INSYN2A: variants seen among roughly 807,000 people sequenced by gnomAD.
INSYN2A encodes the protein family with sequence similarity 196 member A.
Under a neutral mutation model 39.4 loss-of-function variants are expected in INSYN2A, and 17 were observed. The ratio of observed to expected loss-of-function variants is 0.43; its 90% confidence interval spans 0.30 to 0.65. The LOEUF (loss-of-function observed/expected upper bound fraction) is 0.65, where lower values mean the gene tolerates loss of function less well. INSYN2A is among the 30% of genes least tolerant of loss of function. INSYN2A has a pLI of 0.14. For missense variants in INSYN2A, 595 were observed against 631.2 expected (o/e 0.94, Z 0.61); for synonymous variants, 255 against 265.7 (o/e 0.96, Z 0.39).
At chr10:127,160,339 A>C (rs2053489833) in intron 4 of INSYN2A, among the ~76,000 whole-genome samples, 1 of 152,136 alleles carries the variant, frequency 6.6e-6, no homozygotes, top group Non-Finnish European at 1.5e-5. Context: ...TTTCCTTCAT[A>C]AGATCTTAAA....
rs2055131493 is a variant in INSYN2A at position 127,176,239 on chromosome 10, A to G, written c.157T>C (p.Cys53Arg). The G allele has an allele frequency of 1.2e-6, 2 of 1,614,110 alleles. No homozygotes were observed. Among genetic ancestry groups the G allele is most frequent in the Non-Finnish European group, 8.5e-7 (1 of 1,180,026 alleles). The part of the protein sequence containing the change: ...KALQVRFKDI[C>R]EAQNEQRDTQ... ...TCCCTCTGCTCATTCTGTGCCTCGC[A>G]GATATCCTTAAACCGCACCTGCAGG... The change falls in exon 4 of 6, where the codon TGC becomes CGC. Residue 53 changes from cysteine (C) to arginine (R), a missense_variant. Cys to Arg is a radical substitution (Grantham distance 180). Transcript: ENST00000522781. This position sits in a 1 kb window ranked among gnomAD's most constrained non-coding sequence, Gnocchi z 4.4.
At chr10:127,149,541 A>G (rs2052274334) in intron 5 of INSYN2A, among the ~76,000 whole-genome samples, 1 of 152,314 alleles carries the variant, frequency 6.6e-6, no homozygotes, top group East Asian at 1.9e-4. Context: ...TGAACACAGT[A>G]TCCTTTTCAT....
intron 4 of INSYN2A, among the ~76,000 whole-genome samples, chr10:127,158,527 C>T (rs61874028): frequency 0.011 from 1,742 of 152,272 alleles, 13 homozygotes; most frequent in Middle Eastern, 0.038. Context: ...TAACTCCATG[C>T]GTGATACAAT....
intron 5 of INSYN2A, among the ~76,000 whole-genome samples, chr10:127,145,140 C>T (rs2051679299): frequency 6.6e-6 from 1 of 152,082 alleles, no homozygotes; most frequent in Non-Finnish European, 1.5e-5. Flanking sequence ...TGGAGTGCAC[C>T]TGCGGCTCTG....
chr10:127,156,278 A>G (rs754392597), intron 4 of INSYN2A, among the ~76,000 whole-genome samples: 2 of 152,102 alleles, frequency 1.3e-5, no homozygotes, highest in South Asian at 2.1e-4. Flanking sequence ...ATACAGTCAC[A>G]CTTCAGGTCC....
rs528159292 is a variant in INSYN2A, at chr10:127,177,804, G to A, written c.-268-665C>T. 3.9e-4 allele frequency among the ~76,000 whole-genome samples: 60 copies of A among 152,374 alleles called. 1 individual carries two copies. In the South Asian group the frequency reaches 0.012, roughly 31 times the overall value. Reference sequence around the variant, plus strand: ...AGGTGGTTCGAGTGCCAGATGCTCTGCTCGTTCACATACAGAATGCCTTGC... The same window carrying A: ...AGGTGGTTCGAGTGCCAGATGCTCTACTCGTTCACATACAGAATGCCTTGC... On this transcript the variant is annotated intron_variant, in intron 2 of 5. Coordinates refer to ENST00000522781, the MANE Select transcript of INSYN2A (RefSeq NM_001039762.3).
Position 127,176,542 on chromosome 10 carries a change from A to T in INSYN2A, c.-5-142T>A. The T allele has an allele frequency of 1.5e-6, 1 of 666,130 alleles. No homozygotes were observed. The highest frequency in any genetic ancestry group is 2.5e-6 in the Non-Finnish European group (1 of 397,980). The allele number at this position is 666,130 out of a possible 1,614,324, so 41.3% of individuals were successfully genotyped here. A position where few individuals can be genotyped will look rare whatever the true frequency, so the allele number is the denominator to read the frequency against. ...GGTGAGGTCGGCCTTTATGTTAAGG[A>T]AAATCACACGGGCTGAGAGTCGCTG... On this transcript the variant is annotated intron_variant, in intron 3 of 5. Transcript: ENST00000522781. This position sits in a 1 kb window ranked among gnomAD's most constrained non-coding sequence, Gnocchi z 4.4.
rs1309589979 is a variant in INSYN2A at position 127,169,196 on chromosome 10, TAC to T, written c.1184+6014_1184+6015del. 2.0e-5 allele frequency among the ~76,000 whole-genome samples: 3 copies of T among 152,344 alleles called. No individual in the cohort carries two copies. The East Asian group carries it at 5.8e-4, about 29-fold the overall frequency. The stretch of plus-strand genomic sequence containing the variant: ...ATACATATTAGGTATATGTGTGTCA[TAC>T]ACACACAGAGTTCCAAAGCAGGACC... On this transcript the variant is annotated intron_variant, in intron 4 of 5. Coordinates refer to ENST00000522781, the MANE Select transcript of INSYN2A (RefSeq NM_001039762.3).
At chr10:127,138,077 C>T (rs1592169203) in intron 5 of INSYN2A, 57 bp from the exon 6 acceptor site, 1 of 1,458,056 alleles carries the variant, frequency 6.9e-7, no homozygotes, top group East Asian at 2.3e-5. Flanking sequence ...ATGAAGATCC[C>T]TCTTAGTGTC....
At chr10:127,156,438 A>G (rs1054447184) in intron 4 of INSYN2A, among the ~76,000 whole-genome samples, 1 of 152,212 alleles carries the variant, frequency 6.6e-6, no homozygotes, top group African/African-American at 2.4e-5. Flanking sequence ...AGGCACCTGA[A>G]ATGTACAAGA....
At position 127,176,359 on chromosome 10, in the gene INSYN2A, T is replaced by C. The variant is rs746933569; in HGVS notation, c.37A>G (p.Thr13Ala). ...SKDTGKCILTTSESEVEPAAC... is the reference protein window; with the variant it reads ...SKDTGKCILTASESEVEPAAC... The stretch of plus-strand genomic sequence containing the variant: ...GCGGGTTCCACTTCACTCTCCGACG[T>C]TGTGAGTATGCATTTGCCGGTGTCC... Residue 13 changes from threonine (T) to alanine (A), a missense_variant, in exon 4 of 6, where the codon ACG becomes GCG. Physicochemically the swap from Thr to Ala is moderately conservative, Grantham distance 58 (BLOSUM62 0). Coordinates refer to ENST00000522781, the MANE Select transcript of INSYN2A (RefSeq NM_001039762.3). The surrounding 1 kb of genome is among the most constrained non-coding windows in gnomAD (Gnocchi z 4.4). 4.3e-6 allele frequency: 7 copies of C among 1,612,794 alleles called. No individual in the cohort carries two copies. The highest frequency in any genetic ancestry group is 5.9e-6 in the Non-Finnish European group (7 of 1,179,652).
Position 127,175,177 on chromosome 10 carries a change from G to C in INSYN2A, c.1184+35C>G. On this transcript the variant is annotated intron_variant, in intron 4 of 5. Transcript: ENST00000522781. This position sits in a 1 kb window ranked among gnomAD's most constrained non-coding sequence, Gnocchi z 6.3. ...AGATGGACTCTGTGGTGATCAGCCT[G>C]CATAGCTTCCTAAGACATGGGTGAA... The C allele has an allele frequency of 6.5e-7, 1 of 1,547,554 alleles. No individual in the cohort carries two copies. The highest frequency in any genetic ancestry group is 8.8e-7 in the Non-Finnish European group (1 of 1,132,410).
chr10:127,163,798 C>T (rs1464503713), intron 4 of INSYN2A, among the ~76,000 whole-genome samples: 2 of 149,456 alleles, frequency 1.3e-5, no homozygotes, highest in Admixed American at 1.3e-4. Context: ...ATAAAGCCTT[C>T]CTTTTTTTTT....
At chr10:127,167,820 C>G (rs2054221154) in intron 4 of INSYN2A, among the ~76,000 whole-genome samples, 12 of 151,978 alleles carry the variant, frequency 7.9e-5, no homozygotes, top group Admixed American at 7.9e-4. Flanking sequence ...CCACCACCCC[C>G]CATCCCCAAA....
rs893012659 is a variant in INSYN2A at position 127,176,525 on chromosome 10, C to T, written c.-5-125G>A. Reference sequence around the variant, plus strand: ...CTAATTATATTTAAGCAGGTGAGGTCGGCCTTTATGTTAAGGAAAATCACA... The same window carrying T: ...CTAATTATATTTAAGCAGGTGAGGTTGGCCTTTATGTTAAGGAAAATCACA... On this transcript the variant is annotated intron_variant, in intron 3 of 5. Transcript: ENST00000522781. This position sits in a 1 kb window ranked among gnomAD's most constrained non-coding sequence, Gnocchi z 4.4. 1.0e-4 allele frequency: 79 copies of T among 781,748 alleles called. No homozygotes were observed. Among genetic ancestry groups the T allele is most frequent in the Non-Finnish European group, 1.3e-4 (67 of 497,994 alleles). The allele number at this position is 781,748 out of a possible 1,614,324, so 48.4% of individuals were successfully genotyped here.
At chr10:127,190,325 C>T (rs2056627915) in intron 2 of INSYN2A, among the ~76,000 whole-genome samples, 1 of 152,204 alleles carries the variant, frequency 6.6e-6, no homozygotes, top group African/African-American at 2.4e-5. Flanking sequence ...TCTTTACTGC[C>T]TTCTCACGGT....
At chr10:127,155,167 G>A (rs1021511983) in intron 4 of INSYN2A, among the ~76,000 whole-genome samples, 6 of 152,196 alleles carry the variant, frequency 3.9e-5, no homozygotes, top group Admixed American at 1.3e-4. Flanking sequence ...AACATTGCTA[G>A]TCAGTACTTT....
chr10:127,159,271 A>C (rs1158630813), intron 4 of INSYN2A, among the ~76,000 whole-genome samples: 1 of 152,110 alleles, frequency 6.6e-6, no homozygotes, highest in Non-Finnish European at 1.5e-5. Context: ...AAGGAAAATA[A>C]ACTTGGCTTA....
At chr10:127,165,967 G>A (rs1245659254) in intron 4 of INSYN2A, among the ~76,000 whole-genome samples, 2 of 152,244 alleles carry the variant, frequency 1.3e-5, no homozygotes, top group Non-Finnish European at 2.9e-5. Context: ...CCAGGCCTGG[G>A]AGGGTAGGAG....
Sources: allele counts gnomAD v4.1 joint callset (sites outside exome capture counted in the v4.1 genomes callset), GRCh38; gene constraint gnomAD v4.1.1; non-coding constraint Gnocchi (gnomAD v3.1); transcripts MANE v1.5; gene names NCBI Gene and HGNC (gene_info 2026-07-23, HGNC 2026-07-21).